Variants in PIAS4 observed in about 807,000 individuals in gnomAD.
The protein encoded by PIAS4 is protein inhibitor of activated STAT 4, also known as E3 SUMO-protein ligase PIAS4.
A neutral mutation model predicts 58.0 loss-of-function variants in PIAS4; 7 were observed. That is an observed-to-expected ratio of 0.12 (90% confidence interval 0.07 to 0.23). PIAS4 has a LOEUF of 0.23. Among genes scored for constraint, PIAS4 ranks in the 10% least tolerant of loss-of-function variants. The probability of loss-of-function intolerance (pLI) is 1.00; values close to 1 mark genes in which losing one functional copy is unlikely to be tolerated. For missense variants in PIAS4, 550 were observed against 709.5 expected (o/e 0.78, Z 2.55); for synonymous variants, 364 against 312.4 (o/e 1.17, Z -1.74).
chr19:4,029,345 C>G lies in PIAS4; in HGVS notation c.907+309C>G, dbSNP rs75181744. On this transcript the variant is annotated intron_variant, in intron 7 of 10. Transcript: ENST00000262971. Reference sequence around the variant, plus strand: ...GAGCTGGAGCCTCATTCCGGGACAGCACAGAGGCCGGGAGGGGTGAGAGGA... The same window carrying G: ...GAGCTGGAGCCTCATTCCGGGACAGGACAGAGGCCGGGAGGGGTGAGAGGA... Among the ~76,000 whole-genome samples, 783 of 152,242 alleles carry G rather than the reference C, an allele frequency of 5.1e-3. 9 individuals are homozygous for G. The highest frequency in any genetic ancestry group is 0.015 in the African/African-American group (626 of 41,546).
At chr19:4,036,311 C>G (rs2040284816) in intron 9 of PIAS4, among the ~76,000 whole-genome samples, 2 of 121,910 alleles carry the variant, frequency 1.6e-5, no homozygotes, top group Non-Finnish European at 3.7e-5. Context: ...TCTATACAGT[C>G]CACACCTGTT....
chr19:4,030,123 C>T (rs1180570474), intron 7 of PIAS4, among the ~76,000 whole-genome samples: 1 of 151,340 alleles, frequency 6.6e-6, no homozygotes, highest in African/African-American at 2.4e-5. Context: ...CGCCCGGCCC[C>T]AACTAATTTT....
chr19:4,028,213 C>A, intron 4 of PIAS4, 26 bp downstream of exon 4: 1 of 1,604,014 alleles, frequency 6.2e-7, no homozygotes. Context: ...CCCGCGACCC[C>A]AGGGCTGGAC....
At chr19:4,032,953 G>A (rs894346270) in intron 7 of PIAS4, 147 bp from the exon 8 acceptor site, 8 of 644,866 alleles carry the variant, frequency 1.2e-5, no homozygotes, top group East Asian at 8.3e-5. Flanking sequence ...AATCCCTCAC[G>A]GCCCCGAGCC....
rs1369988787 is a variant in PIAS4 at position 4,028,492 on chromosome 19, T to C, written c.582-18T>C. On this transcript the variant is annotated intron_variant, in intron 4 of 10. Coordinates refer to ENST00000262971, the MANE Select transcript of PIAS4 (RefSeq NM_015897.4). The stretch of plus-strand genomic sequence containing the variant: ...TGTGCGCCCCCTCCCCGCCCCATGG[T>C]CCCTGTTGTCGTTGCAGAATCTGTT... 1 of 1,597,140 alleles carries C rather than the reference T, an allele frequency of 6.3e-7. No individual in the cohort carries two copies. The highest frequency in any genetic ancestry group is 1.3e-5 in the African/African-American group (1 of 74,412).
intron 3 of PIAS4, among the ~76,000 whole-genome samples, chr19:4,024,531 G>A (rs1034514586): frequency 2.6e-5 from 4 of 152,092 alleles, no homozygotes; most frequent in Non-Finnish European, 5.9e-5. Flanking sequence ...TAACCCGGGC[G>A]AGACCTCCCT....
At chr19:4,022,818 G>A (rs1239779411) in intron 2 of PIAS4, among the ~76,000 whole-genome samples, 2 of 148,894 alleles carry the variant, frequency 1.3e-5, no homozygotes, top group African/African-American at 4.9e-5. Flanking sequence ...GATTACAGGC[G>A]CCCGAACCAG....
Position 4,023,414 on chromosome 19 carries a change from C to T in PIAS4, c.455-622C>T, listed in dbSNP as rs561338847. 3.9e-5 allele frequency among the ~76,000 whole-genome samples: 6 copies of T among 152,062 alleles called. No individual in the cohort carries two copies. In the South Asian group the frequency reaches 6.2e-4, roughly 16 times the overall value. On this transcript the variant is annotated intron_variant, in intron 2 of 10. Coordinates refer to ENST00000262971, the MANE Select transcript of PIAS4 (RefSeq NM_015897.4). ...GACGGAGGTTGCAGTCAGCCGAGATCGTGCCATTGCACTCCAGCCTGGGCG... is the reference window on the plus strand; with the variant it reads ...GACGGAGGTTGCAGTCAGCCGAGATTGTGCCATTGCACTCCAGCCTGGGCG...
At chr19:4,012,046 G>T (rs74358634) in intron 1 of PIAS4, among the ~76,000 whole-genome samples, 2 of 101,918 alleles carry the variant, frequency 2.0e-5, no homozygotes, top group Non-Finnish European at 4.0e-5. Flanking sequence ...GGAGGTGTGT[G>T]GGGTGTGGAG....
chr19:4,032,626 T>C (rs563629968), intron 7 of PIAS4, among the ~76,000 whole-genome samples: 1 of 152,346 alleles, frequency 6.6e-6, no homozygotes, highest in South Asian at 2.1e-4. Flanking sequence ...GCAGGCTGCC[T>C]TGGGGCGGTG....
intron 2 of PIAS4, among the ~76,000 whole-genome samples, chr19:4,016,332 C>T (rs977532039): frequency 6.6e-6 from 1 of 152,234 alleles, no homozygotes; most frequent in African/African-American, 2.4e-5. Flanking sequence ...TCTGCCTGCC[C>T]ACCCGCCTGC....
Position 4,027,567 on chromosome 19 carries a change from TG to T in PIAS4, c.540-578del, listed in dbSNP as rs200710175. ...TTTATCCTCAGGTGTTACTGGTTTT[TG>T]TTTTTTTTTTTTTGGAGAGTGTTTC... On this transcript the variant is annotated intron_variant, in intron 3 of 10. Coordinates refer to ENST00000262971, the MANE Select transcript of PIAS4 (RefSeq NM_015897.4). 2.0e-3 allele frequency among the ~76,000 whole-genome samples: 292 copies of T among 146,708 alleles called. 42 individuals are homozygous for T. The highest frequency in any genetic ancestry group is 5.0e-3 in the South Asian group (23 of 4,622).
intron 2 of PIAS4, among the ~76,000 whole-genome samples, chr19:4,014,186 GT>G (rs2040028763): frequency 6.6e-6 from 1 of 152,184 alleles, no homozygotes; most frequent in Admixed American, 6.5e-5. Context: ...CGGAGGAGAG[GT>G]GCTGGGCTCC....
chr19:4,030,178 G>GCTAATA (rs1470580475), intron 7 of PIAS4, among the ~76,000 whole-genome samples: 9 of 149,622 alleles, frequency 6.0e-5, no homozygotes, highest in South Asian at 2.1e-4. Flanking sequence ...GCCCAGGCTG[G>GCTAATA]TCGTAAACTC....
intron 3 of PIAS4, among the ~76,000 whole-genome samples, chr19:4,025,941 A>G (rs1297054900): frequency 2.6e-5 from 4 of 151,198 alleles, no homozygotes; most frequent in Non-Finnish European, 5.9e-5. Flanking sequence ...GGGTGTGGTG[A>G]CGGGCGCCTG....
chr19:4,030,894 G>A (rs2040216728), intron 7 of PIAS4, among the ~76,000 whole-genome samples: 1 of 152,096 alleles, frequency 6.6e-6, no homozygotes, highest in Non-Finnish European at 1.5e-5. Flanking sequence ...CTAACCTGGA[G>A]TCATTTGGAG....
chr19:4,021,091 T>G (rs1442522073), intron 2 of PIAS4, among the ~76,000 whole-genome samples: 1 of 152,160 alleles, frequency 6.6e-6, no homozygotes, highest in Non-Finnish European at 1.5e-5. Flanking sequence ...TCTCTTAGAG[T>G]TGCCAGTCCT....
In PIAS4 at chr19:4,010,586, A is replaced by T. The variant is rs74645403; in HGVS notation, c.28-2337A>T. Among the ~76,000 whole-genome samples, 13 of 152,324 alleles carry T rather than the reference A, an allele frequency of 8.5e-5. No individual in the cohort carries two copies. In the East Asian group the frequency reaches 2.5e-3, roughly 29 times the overall value. On this transcript the variant is annotated intron_variant, in intron 1 of 10. Transcript: ENST00000262971. ...CCCAGCAGACCATGCAGGTCCCCAT[A>T]GCCAGTGTGCTGGTGAGTGAGGGTC...
At chr19:4,025,115 T>G (rs550592767) in intron 3 of PIAS4, among the ~76,000 whole-genome samples, 13 of 152,348 alleles carry the variant, frequency 8.5e-5, no homozygotes, top group South Asian at 6.2e-4. Flanking sequence ...TCCCCCTCCA[T>G]ACCGTGGATA....
Sources: allele counts gnomAD v4.1 joint callset (sites outside exome capture counted in the v4.1 genomes callset), GRCh38; gene constraint gnomAD v4.1.1; transcripts MANE v1.5; gene names NCBI Gene and HGNC (gene_info 2026-07-23, HGNC 2026-07-21).